The following RIOK3 variants were observed in gnomAD, a reference collection of about 807,000 sequenced individuals.
The protein encoded by RIOK3 is serine/threonine-protein kinase RIO3.
Under a neutral mutation model 63.5 loss-of-function variants are expected in RIOK3, and 40 were observed. The ratio of observed to expected loss-of-function variants is 0.63; its 90% CI spans 0.49 to 0.82. The LOEUF is 0.82. Among genes scored for constraint, RIOK3 ranks in the 40% least tolerant of loss-of-function variants. RIOK3 has a pLI of 0.00. For missense variants in RIOK3, 557 were observed against 637.0 expected (o/e 0.87, Z 1.35); for synonymous variants, 193 against 205.0 (o/e 0.94, Z 0.50).
At chr18:23,474,204 A>G (rs909669083) in intron 8 of RIOK3, among the ~76,000 whole-genome samples, 10 of 152,110 alleles carry the variant, frequency 6.6e-5, no homozygotes, top group African/African-American at 2.4e-4. Flanking sequence ...TTATTCATAT[A>G]TATCAGTTAC....
chr18:23,476,035 C>T (rs2057488563), intron 9 of RIOK3, among the ~76,000 whole-genome samples: 1 of 149,650 alleles, frequency 6.7e-6, no homozygotes, highest in Admixed American at 6.7e-5. Flanking sequence ...GATCCTCTTG[C>T]CTCAGCATCC....
In RIOK3 at chr18:23,477,163, T is replaced by C; in HGVS notation, c.1255-16T>C. The C allele has an allele frequency of 1.2e-6, 2 of 1,612,958 alleles. No individual in the cohort carries two copies. Among genetic ancestry groups the C allele is most frequent in the South Asian group, 1.1e-5 (1 of 91,070 alleles). On this transcript the variant is annotated splice_polypyrimidine_tract_variant and intron_variant, in intron 10 of 12. Transcript: ENST00000339486. ...TAAAATGTAAATACATCAGTTCATG[T>C]TCTGTATTGAAATAGGTCTGGTTGA...
At chr18:23,463,317 T>G (rs1326157982) in intron 2 of RIOK3, 2 of 353,442 alleles carry the variant, frequency 5.7e-6, no homozygotes. Context: ...TTGAACTAGA[T>G]GAGGTACAGT....
intron 9 of RIOK3, among the ~76,000 whole-genome samples, chr18:23,475,595 C>T (rs1017872092): frequency 2.0e-5 from 3 of 151,842 alleles, no homozygotes; most frequent in African/African-American, 7.3e-5. Context: ...TGCCACTGCA[C>T]CCCAGCCTGG....
intron 1 of RIOK3, among the ~76,000 whole-genome samples, chr18:23,455,021 CCTTTCCTTTCCTTT>C (rs1460237649): frequency 1.3e-5 from 2 of 151,360 alleles, no homozygotes; most frequent in African/African-American, 4.8e-5. Flanking sequence ...TCCTTTCCTT[CCTTTCCTTTCCTTT>C]CTTTCCTTCC....
At position 23,464,092 on chromosome 18, in the gene RIOK3, A is replaced by T; in HGVS notation, c.305A>T (p.Lys102Ile). The part of the protein sequence containing the change: ...YDAQLRREEK[K>I]FNGDSKVSIS... ...GCACAGCTTAGGCGTGAAGAAAAAA[A>T]ATTCAATGGAGATAGCAAAGGTATT... Residue 102 changes from lysine (K) to isoleucine (I), a missense_variant, in exon 3 of 13, where the codon AAA becomes ATA. Lys to Ile is a moderately radical substitution (Grantham distance 102). Transcript: ENST00000339486. 6.2e-7 allele frequency: 1 copy of T among 1,611,398 alleles called. No homozygotes were observed. The highest frequency in any genetic ancestry group is 8.5e-7 in the Non-Finnish European group (1 of 1,179,074).
Position 23,453,398 on chromosome 18 carries a change from GC to G in RIOK3, c.-40del. 1 of 1,527,920 alleles carries G rather than the reference GC, an allele frequency of 6.5e-7. No individual in the cohort carries two copies. The highest frequency in any genetic ancestry group is 9.1e-7 in the Non-Finnish European group (1 of 1,102,638). The allele number at this position is 1,527,920 out of a possible 1,614,324, so 94.6% of individuals were successfully genotyped here. On this transcript the variant is annotated 5_prime_UTR_variant, in exon 1 of 13. Coordinates refer to ENST00000339486, the MANE Select transcript of RIOK3 (RefSeq NM_003831.5). ...CTCGGCGGAGCCTGCTGCCCGTCCT[GC>G]CACCTCTCTGCTCTGTTCTTGTCTC...
chr18:23,474,890 A>C lies in RIOK3; in HGVS notation c.1014-58A>C, dbSNP rs2057478927. The C allele has an allele frequency of 2.3e-6, 3 of 1,308,198 alleles. No individual in the cohort carries two copies. The South Asian group carries it at 3.8e-5, about 16-fold the overall frequency. The allele number at this position is 1,308,198 out of a possible 1,614,324, so 81.0% of individuals were successfully genotyped here. ...GCCCTGATTAGATATTTATTGAATA[A>C]ATGACATATTTTCTCTCCTTCTGAT... On this transcript the variant is annotated intron_variant, in intron 8 of 12. Coordinates refer to ENST00000339486, the MANE Select transcript of RIOK3 (RefSeq NM_003831.5).
chr18:23,455,902 ATTC>A (rs1441127480), intron 1 of RIOK3, among the ~76,000 whole-genome samples: 17 of 152,158 alleles, frequency 1.1e-4, no homozygotes, highest in Admixed American at 5.9e-4. Flanking sequence ...GGTTCAAGCA[ATTC>A]TTCTTCCTCA....
intron 4 of RIOK3, 48 bp from the exon 5 acceptor site, chr18:23,464,471 G>T (rs1227765903): frequency 7.6e-7 from 1 of 1,313,522 alleles, no homozygotes; most frequent in Non-Finnish European, 1.1e-6. Flanking sequence ...ATGCAGCAAT[G>T]TAGTCTTTGC....
In RIOK3 at chr18:23,481,613, G is replaced by C. The variant is rs2057535504; in HGVS notation, c.*334G>C. On this transcript the variant is annotated 3_prime_UTR_variant, in exon 13 of 13. Transcript: ENST00000339486. ...ACTTGGGTAACACTTCCAAATATGGGAGGAAAGGACAGATGTGTTTACAAG... is the reference window on the plus strand; with the variant it reads ...ACTTGGGTAACACTTCCAAATATGGCAGGAAAGGACAGATGTGTTTACAAG... 1 of 192,424 alleles carries C rather than the reference G, an allele frequency of 5.2e-6. No homozygotes were observed. Among genetic ancestry groups the C allele is most frequent in the South Asian group, 1.7e-4 (1 of 5,738 alleles). The allele number at this position is 192,424 out of a possible 1,614,324, so 11.9% of individuals were successfully genotyped here. A position where few individuals can be genotyped will look rare whatever the true frequency, so the allele number is the denominator to read the frequency against.
intron 7 of RIOK3, among the ~76,000 whole-genome samples, chr18:23,467,770 T>G (rs907649945): frequency 6.6e-6 from 1 of 151,630 alleles, no homozygotes. Flanking sequence ...GCGTATATTA[T>G]TATTATTATT....
At chr18:23,469,458 C>T in intron 7 of RIOK3, among the ~76,000 whole-genome samples, 1 of 144,664 alleles carries the variant, frequency 6.9e-6, no homozygotes, top group Admixed American at 7.0e-5. Flanking sequence ...CTCTCTCTCT[C>T]TTTTTCTTTC....
At position 23,477,436 on chromosome 18, in the gene RIOK3, A is replaced by T. The variant is rs765780878; in HGVS notation, c.1344+168A>T. 4.1e-4 allele frequency among the ~76,000 whole-genome samples: 62 copies of T among 152,152 alleles called. 2 individuals are homozygous for T. The highest frequency in any genetic ancestry group is 1.0e-4 in the Non-Finnish European group (7 of 68,028). The stretch of plus-strand genomic sequence containing the variant: ...ATCAATTTGTCATATTTCATTTTGC[A>T]AGAATTTGATTCCATGTCTTACAGT... On this transcript the variant is annotated intron_variant, in intron 11 of 12. Transcript: ENST00000339486.
At chr18:23,478,157 G>A (rs1281342690) in intron 11 of RIOK3, among the ~76,000 whole-genome samples, 1 of 152,046 alleles carries the variant, frequency 6.6e-6, no homozygotes, top group African/African-American at 2.4e-5. Flanking sequence ...TTTAATGTGT[G>A]CATAGTGCTT....
chr18:23,460,871 G>C (rs1308752682), intron 1 of RIOK3, among the ~76,000 whole-genome samples: 1 of 152,196 alleles, frequency 6.6e-6, no homozygotes, highest in East Asian at 1.9e-4. Context: ...CTCAATTACA[G>C]ATAAGCTCTG....
At chr18:23,455,486 G>A (rs950580539) in intron 1 of RIOK3, among the ~76,000 whole-genome samples, 1 of 150,776 alleles carries the variant, frequency 6.6e-6, no homozygotes, top group Non-Finnish European at 1.5e-5. Context: ...TCCGCCTCCT[G>A]GGTTCAAGCG....
At chr18:23,477,300 T>C (rs2145702090) in intron 11 of RIOK3, 32 bp downstream of exon 11, 1 of 1,524,046 alleles carries the variant, frequency 6.6e-7, no homozygotes, top group East Asian at 2.3e-5. Context: ...CCTTTTTTTG[T>C]TGGATGTAAC....
At chr18:23,469,100 C>T (rs1456757983) in intron 7 of RIOK3, among the ~76,000 whole-genome samples, 4 of 152,188 alleles carry the variant, frequency 2.6e-5, no homozygotes, top group Non-Finnish European at 5.9e-5. Context: ...TCAAAGCCAG[C>T]AGGAGAATCT....
Sources: allele counts gnomAD v4.1 joint callset (sites outside exome capture counted in the v4.1 genomes callset), GRCh38; gene constraint gnomAD v4.1.1; transcripts MANE v1.5; gene names NCBI Gene and HGNC (gene_info 2026-07-23, HGNC 2026-07-21).